APH1B: variants seen among roughly 807,000 people sequenced by gnomAD.
The protein encoded by APH1B is aph-1B gamma-secretase subunit, also known as gamma-secretase subunit APH-1B.
Under a neutral mutation model 28.2 loss-of-function variants are expected in APH1B, and 27 were observed. The observed-to-expected ratio is 0.96, with a 90% CI of 0.70 to 1.32. The LOEUF is 1.32. APH1B is among the 40% of genes most tolerant of loss of function. The probability of loss-of-function intolerance (pLI) is 0.00; values close to 1 mark genes in which losing one functional copy is unlikely to be tolerated. For missense variants in APH1B, 305 were observed against 313.6 expected (o/e 0.97, Z 0.21); for synonymous variants, 141 against 124.6 (o/e 1.13, Z -0.88).
At chr15:63,292,150 T>C (rs1161277640) in intron 4 of APH1B, among the ~76,000 whole-genome samples, 1 of 152,216 alleles carries the variant, frequency 6.6e-6, no homozygotes, top group Non-Finnish European at 1.5e-5. Context: ...AGCAAGACTA[T>C]CTCAATACCT....
chr15:63,294,273 A>G (rs2038540051), intron 4 of APH1B, among the ~76,000 whole-genome samples: 1 of 152,078 alleles, frequency 6.6e-6, no homozygotes, highest in Admixed American at 6.5e-5. Flanking sequence ...TACATCTAAT[A>G]TTTATCATTT....
chr15:63,281,911 A>G (rs1339889513), intron 2 of APH1B, among the ~76,000 whole-genome samples: 4 of 152,216 alleles, frequency 2.6e-5, no homozygotes, highest in African/African-American at 9.7e-5. Flanking sequence ...GGAAGTTCAG[A>G]GAAGCCTCTT....
intron 2 of APH1B, among the ~76,000 whole-genome samples, chr15:63,282,139 T>A (rs1365442208): frequency 6.6e-6 from 1 of 152,250 alleles, no homozygotes; most frequent in Non-Finnish European, 1.5e-5. Flanking sequence ...AATGCTTTAT[T>A]TATGACTGAC....
chr15:63,280,857 C>T (rs868491294), intron 2 of APH1B, among the ~76,000 whole-genome samples: 6 of 152,206 alleles, frequency 3.9e-5, no homozygotes, highest in Admixed American at 2.0e-4. Flanking sequence ...AAGGTAACCA[C>T]ATCTACCTCT....
intron 4 of APH1B, among the ~76,000 whole-genome samples, chr15:63,289,392 C>T (rs946942631): frequency 6.6e-6 from 1 of 152,110 alleles, no homozygotes; most frequent in Non-Finnish European, 1.5e-5. Flanking sequence ...TCATTTTTGC[C>T]AGGTAAATCC....
chr15:63,278,082 G>A (rs2038344717), intron 1 of APH1B, among the ~76,000 whole-genome samples: 1 of 152,204 alleles, frequency 6.6e-6, no homozygotes, highest in Non-Finnish European at 1.5e-5. Flanking sequence ...AAAGGCATGT[G>A]TAATCCCCAA....
chr15:63,299,522 A>G lies in APH1B; in HGVS notation c.479-2823A>G, dbSNP rs997166681. Reference sequence around the variant, plus strand: ...CAGGTTCACGCCATTCTCCTGCCTCAGCCTCCCGAGCAGCTGGGACTACAG... The same window carrying G: ...CAGGTTCACGCCATTCTCCTGCCTCGGCCTCCCGAGCAGCTGGGACTACAG... On this transcript the variant is annotated intron_variant, in intron 4 of 5. Coordinates refer to ENST00000261879, the MANE Select transcript of APH1B (RefSeq NM_031301.4). 1.6e-4 allele frequency among the ~76,000 whole-genome samples: 24 copies of G among 152,156 alleles called. No individual in the cohort carries two copies. In the East Asian group the frequency reaches 4.7e-3, roughly 30 times the overall value.
At chr15:63,293,385 T>C (rs1248787988) in intron 4 of APH1B, among the ~76,000 whole-genome samples, 1 of 152,160 alleles carries the variant, frequency 6.6e-6, no homozygotes, top group Non-Finnish European at 1.5e-5. Context: ...CAGGCTGTTC[T>C]TGAACTCCTG....
rs1016640866 is a variant in APH1B at position 63,304,247 on chromosome 15, G to A, written c.607-1367G>A. Among the ~76,000 whole-genome samples the A allele has an allele frequency of 1.3e-5, 2 of 152,174 alleles. No individual in the cohort carries two copies. Among genetic ancestry groups the A allele is most frequent in the African/African-American group, 4.8e-5 (2 of 41,426 alleles). On this transcript the variant is annotated intron_variant, in intron 5 of 5. Transcript: ENST00000261879. The surrounding 1 kb of genome is among the most constrained non-coding windows in gnomAD (Gnocchi z 5.1). Reference sequence around the variant, plus strand: ...CTGTGGTGTTGAAGCCAGCGTCATGGTCACCCTCAGTGGGGGCAGGGACTG... The same window carrying A: ...CTGTGGTGTTGAAGCCAGCGTCATGATCACCCTCAGTGGGGGCAGGGACTG...
chr15:63,277,761 C>G, intron 1 of APH1B, 25 bp downstream of exon 1: 2 of 1,600,356 alleles, frequency 1.2e-6, no homozygotes, highest in Non-Finnish European at 1.7e-6. Flanking sequence ...TCGGGAAACC[C>G]GGACGCCGGG....
At position 63,306,078 on chromosome 15, in the gene APH1B, T is replaced by A; in HGVS notation, c.*297T>A. Reference sequence around the variant, plus strand: ...GAGTTTTAAAAGCTTCCCAGGTGATTCTGATGTGCAGCCATGTTGAGACCC... The same window carrying A: ...GAGTTTTAAAAGCTTCCCAGGTGATACTGATGTGCAGCCATGTTGAGACCC... On this transcript the variant is annotated 3_prime_UTR_variant, in exon 6 of 6. Coordinates refer to ENST00000261879, the MANE Select transcript of APH1B (RefSeq NM_031301.4). 3.4e-6 allele frequency: 1 copy of A among 293,240 alleles called. No homozygotes were observed. Among genetic ancestry groups the A allele is most frequent in the South Asian group, 4.1e-5 (1 of 24,338 alleles). 18.2% of individuals were successfully genotyped at this position (293,240 alleles called of 1,614,324 possible). A position where few individuals can be genotyped will look rare whatever the true frequency, so the allele number is the denominator to read the frequency against.
chr15:63,292,182 G>T (rs570645669), intron 4 of APH1B, among the ~76,000 whole-genome samples: 1 of 152,216 alleles, frequency 6.6e-6, no homozygotes, highest in Non-Finnish European at 1.5e-5. Flanking sequence ...TTCCAAAGTA[G>T]TAGAGAAAGT....
chr15:63,308,800 A>C lies in APH1B; in HGVS notation c.*3019A>C, dbSNP rs1475205098. The C allele has an allele frequency of 2.6e-5, 4 of 152,210 alleles. No homozygotes were observed. Among genetic ancestry groups the C allele is most frequent in the Non-Finnish European group, 5.9e-5 (4 of 68,036 alleles). 9.4% of individuals were successfully genotyped at this position (152,210 alleles called of 1,614,324 possible). The stretch of plus-strand genomic sequence containing the variant: ...GGGTGTTGGCTGTTTTTGTTAGCTC[A>C]GTTTTTTTCTGGGCTCCACCATTCC... On this transcript the variant is annotated 3_prime_UTR_variant, in exon 6 of 6. Coordinates refer to ENST00000261879, the MANE Select transcript of APH1B (RefSeq NM_031301.4).
chr15:63,281,536 AAAAAAAAAAAAAAAAC>A (rs2038387570), intron 2 of APH1B, among the ~76,000 whole-genome samples: 1 of 47,510 alleles, frequency 2.1e-5, no homozygotes, highest in Non-Finnish European at 3.9e-5. Flanking sequence ...CTAATTTTGA[AAAAAAAAAAAAAAAAC>A]AAAAAAAAAC....
Position 63,302,512 on chromosome 15 carries a change from C to G in APH1B, c.606+40C>G, listed in dbSNP as rs754024777. ...CATGCTCAGACTGTATTCTGGAACT[C>G]AAGTCTATGTATCTAAAATGGTAAA... On this transcript the variant is annotated intron_variant, in intron 5 of 5. Coordinates refer to ENST00000261879, the MANE Select transcript of APH1B (RefSeq NM_031301.4). The G allele has an allele frequency of 1.9e-6, 3 of 1,594,942 alleles. No individual in the cohort carries two copies. In the East Asian group the frequency reaches 6.8e-5, roughly 36 times the overall value.
intron 4 of APH1B, among the ~76,000 whole-genome samples, chr15:63,292,768 G>A (rs1379436073): frequency 6.6e-6 from 1 of 152,118 alleles, no homozygotes; most frequent in East Asian, 1.9e-4. Flanking sequence ...GTACTTTTTG[G>A]AATGCACTTT....
chr15:63,302,430 C>T lies in APH1B; in HGVS notation c.564C>T (p.Ile188=). The T allele has an allele frequency of 6.2e-7, 1 of 1,614,040 alleles. No homozygotes were observed. Among genetic ancestry groups the T allele is most frequent in the African/African-American group, 1.3e-5 (1 of 75,024 alleles). The change falls in exon 5 of 6, where the codon ATC becomes ATT. Residue 188 remains isoleucine, a synonymous_variant. Coordinates refer to ENST00000261879, the MANE Select transcript of APH1B (RefSeq NM_031301.4). ...GCTGTGAGAAGAAAAAGTGGGGCAT[C>T]CTCCTTATCGTTCTCCTGACCCACC... ...FDGCEKKKWG[I]LLIVLLTHLL...
chr15:63,283,415 A>G (rs2038411053), intron 2 of APH1B, among the ~76,000 whole-genome samples: 1 of 152,060 alleles, frequency 6.6e-6, no homozygotes. Context: ...TTTTTGGTAG[A>G]GACATAGGCT....
chr15:63,287,451 G>C lies in APH1B; in HGVS notation c.383G>C (p.Ser128Thr). Residue 128 changes from serine (S) to threonine (T), a missense_variant, in exon 4 of 6, where the codon AGT (serine) becomes ACT (threonine). By Grantham distance (58) the Ser-to-Thr change is moderately conservative (BLOSUM62 1). Coordinates refer to ENST00000261879, the MANE Select transcript of APH1B (RefSeq NM_031301.4). ...YVSGLGFGIM[S>T]GVFSFVNTLS... ...TCTGGCTTGGGCTTTGGAATCATGA[G>C]TGGAGTATTTTCCTTTGTGAATACC... 6.2e-7 allele frequency: 1 copy of C among 1,614,012 alleles called. No homozygotes were observed. Among genetic ancestry groups the C allele is most frequent in the Non-Finnish European group, 8.5e-7 (1 of 1,179,898 alleles).
Sources: allele counts gnomAD v4.1 joint callset (sites outside exome capture counted in the v4.1 genomes callset), GRCh38; gene constraint gnomAD v4.1.1; non-coding constraint Gnocchi (gnomAD v3.1); transcripts MANE v1.5; gene names NCBI Gene and HGNC (gene_info 2026-07-23, HGNC 2026-07-21).